NUP37: variants seen among roughly 807,000 people sequenced by gnomAD.
The protein encoded by NUP37 is nucleoporin Nup37.
NUP37 carries 33 observed loss-of-function variants against 45.4 expected under a neutral mutation model. The observed-to-expected ratio is 0.73, with a 90% CI of 0.55 to 0.97. The LOEUF (loss-of-function observed/expected upper bound fraction) is 0.97. Among genes scored for constraint, NUP37 ranks in the 50% least tolerant of loss-of-function variants. The pLI is 0.00. For missense variants in NUP37, 365 were observed against 389.7 expected, an observed-to-expected ratio of 0.94 and a Z score of 0.53; for synonymous variants, 127 against 130.7, an observed-to-expected ratio of 0.97 and a Z score of 0.19.
At chr12:102,110,611 G>A (rs1025615827) in intron 3 of NUP37, among the ~76,000 whole-genome samples, 1 of 152,134 alleles carries the variant, frequency 6.6e-6, no homozygotes, top group Non-Finnish European at 1.5e-5. Context: ...GGGAGGCCAA[G>A]GCACATGGAT....
intron 8 of NUP37, 89 bp downstream of exon 8, chr12:102,076,708 T>C: frequency 9.6e-7 from 1 of 1,046,538 alleles, no homozygotes; most frequent in Non-Finnish European, 1.4e-6. Context: ...AAAAATCCAG[T>C]GCAAAGAAGA....
chr12:102,101,282 A>C (rs1879964984), intron 3 of NUP37, among the ~76,000 whole-genome samples, 178 bp from the exon 4 acceptor site: 1 of 152,200 alleles, frequency 6.6e-6, no homozygotes, highest in Non-Finnish European at 1.5e-5. Flanking sequence ...TTATACAGCC[A>C]TCACAGAAAG....
chr12:102,085,666 G>A (rs1594386912), intron 6 of NUP37, 100 bp downstream of exon 6: 1 of 553,830 alleles, frequency 1.8e-6, no homozygotes, highest in South Asian at 2.8e-5. Context: ...GTATCTCTGA[G>A]ATGGGAAAAA....
chr12:102,090,785 A>T (rs1057280617), intron 5 of NUP37, among the ~76,000 whole-genome samples: 1 of 152,214 alleles, frequency 6.6e-6, no homozygotes, highest in Non-Finnish European at 1.5e-5. Context: ...ATGGACTCAT[A>T]ACCTAAGAAA....
At chr12:102,116,612 CT>C (rs2136759194) in intron 2 of NUP37, among the ~76,000 whole-genome samples, 1 of 152,362 alleles carries the variant, frequency 6.6e-6, no homozygotes, top group South Asian at 2.1e-4. Flanking sequence ...TCAATTCACA[CT>C]TCCTCTTAAA....
At chr12:102,080,034 T>G (rs1176701538) in intron 6 of NUP37, among the ~76,000 whole-genome samples, 2 of 152,192 alleles carry the variant, frequency 1.3e-5, no homozygotes, top group Non-Finnish European at 2.9e-5. Context: ...GAAGATCTAC[T>G]GTATACATAC....
chr12:102,118,978 C>A (rs1242850188), intron 1 of NUP37: 1 of 153,250 alleles, frequency 6.5e-6, no homozygotes, highest in Non-Finnish European at 1.5e-5. Flanking sequence ...CTGTACAAAT[C>A]TAAAGGCAGG....
At chr12:102,099,008 G>A (rs537597479) in intron 5 of NUP37, 98 bp downstream of exon 5, 19 of 827,912 alleles carry the variant, frequency 2.3e-5, no homozygotes, top group Admixed American at 4.2e-5. Flanking sequence ...ACACTCTATA[G>A]AATTTATGTA....
intron 5 of NUP37, among the ~76,000 whole-genome samples, chr12:102,095,169 C>T (rs1879767679): frequency 6.6e-6 from 1 of 152,044 alleles, no homozygotes; most frequent in Admixed American, 6.6e-5. Context: ...ATGAGATGTT[C>T]TGTATTAGTG....
chr12:102,077,390 T>TA lies in NUP37; in HGVS notation c.653dup (p.Leu218PhefsTer14). 6.2e-7 allele frequency: 1 copy of TA among 1,614,180 alleles called. No individual in the cohort carries two copies. The highest frequency in any genetic ancestry group is 8.5e-7 in the Non-Finnish European group (1 of 1,180,006). On this transcript the variant is annotated frameshift_variant, in exon 7 of 10. Coordinates refer to ENST00000552283, the MANE Select transcript of NUP37 (RefSeq NM_024057.4). LOFTEE classifies it high-confidence loss of function. ...CGGCTCCAACTTTGAAGGTGTTTTT[T>TA]AAGCACCAGTGTGCTGACATTAATG... is the stretch of plus-strand genomic sequence containing the variant.
intron 6 of NUP37, among the ~76,000 whole-genome samples, chr12:102,081,224 T>C (rs915397429): frequency 7.9e-5 from 12 of 152,212 alleles, no homozygotes; most frequent in African/African-American, 2.4e-4. Context: ...AAACATTGGC[T>C]ATTATTATAG....
At chr12:102,096,693 T>A (rs553357115) in intron 5 of NUP37, among the ~76,000 whole-genome samples, 19 of 152,228 alleles carry the variant, frequency 1.2e-4, no homozygotes, top group Non-Finnish European at 2.2e-4. Context: ...AGAATATATA[T>A]GTGATATTGT....
At chr12:102,107,622 A>G (rs1240907059) in intron 3 of NUP37, among the ~76,000 whole-genome samples, 1 of 152,238 alleles carries the variant, frequency 6.6e-6, no homozygotes. Context: ...CAAATATAGT[A>G]TTAATAGAAT....
Position 102,074,335 on chromosome 12 carries a change from C to A in NUP37, c.*19G>T. ...TACTAAAAATACAAAGTTTGTGAAT[C>A]TAAGGTACAGAAAACACTTTATACT... On this transcript the variant is annotated 3_prime_UTR_variant, in exon 10 of 10. Coordinates refer to ENST00000552283, the MANE Select transcript of NUP37 (RefSeq NM_024057.4). 1 of 1,450,386 alleles carries A rather than the reference C, an allele frequency of 6.9e-7. No homozygotes were observed. The highest frequency in any genetic ancestry group is 1.2e-5 in the South Asian group (1 of 83,340). The allele number at this position is 1,450,386 out of a possible 1,614,324, so 89.8% of individuals were successfully genotyped here. A position where few individuals can be genotyped will look rare whatever the true frequency, so the allele number is the denominator to read the frequency against.
intron 6 of NUP37, among the ~76,000 whole-genome samples, chr12:102,085,469 C>G (rs745428605): frequency 4.0e-5 from 6 of 151,758 alleles, no homozygotes; most frequent in Non-Finnish European, 8.8e-5. Context: ...AAAAAAAATC[C>G]CTGCCTACTG....
intron 8 of NUP37, 43 bp from the exon 9 acceptor site, chr12:102,075,137 G>T: frequency 8.0e-7 from 1 of 1,247,390 alleles, no homozygotes; most frequent in Non-Finnish European, 1.1e-6. Context: ...GTATCCTATG[G>T]ATAATGACAA....
chr12:102,083,409 A>T (rs10778171), intron 6 of NUP37, among the ~76,000 whole-genome samples: 19,241 of 152,198 alleles, frequency 0.13, 1,413 homozygotes, highest in Middle Eastern at 0.21. Context: ...GAAAGACTCA[A>T]TGGGCCTGGA....
rs1329954299 is a variant in NUP37 at position 102,078,029 on chromosome 12, T to C, written c.541-526A>G. Among the ~76,000 whole-genome samples the C allele has an allele frequency of 7.9e-5, 12 of 152,100 alleles. No individual in the cohort carries two copies. The East Asian group carries it at 2.1e-3, about 27-fold the overall frequency. On this transcript the variant is annotated intron_variant, in intron 6 of 9. Transcript: ENST00000552283. ...AAAACCTTAGAGAAAACTGGCAAGATAAACAATTCAAGATTTGGCCGGGTG... is the reference window on the plus strand; with the variant it reads ...AAAACCTTAGAGAAAACTGGCAAGACAAACAATTCAAGATTTGGCCGGGTG...
intron 2 of NUP37, among the ~76,000 whole-genome samples, chr12:102,118,076 T>G (rs949410855): frequency 3.3e-5 from 5 of 152,212 alleles, no homozygotes; most frequent in African/African-American, 1.2e-4. Context: ...ATTGTTTTTT[T>G]CCTGTACATA....
Sources: allele counts gnomAD v4.1 joint callset (sites outside exome capture counted in the v4.1 genomes callset), GRCh38; gene constraint gnomAD v4.1.1; transcripts MANE v1.5; gene names NCBI Gene and HGNC (gene_info 2026-07-23, HGNC 2026-07-21).